Variants in RTN4 observed in about 807,000 individuals in gnomAD.
RTN4 encodes reticulon-4.
In RTN4, 32 loss-of-function variants were observed where a neutral mutation model predicts 90.4. The observed-to-expected ratio is 0.35, with a 90% CI of 0.27 to 0.48. The LOEUF (loss-of-function observed/expected upper bound fraction) is 0.48. Among genes scored for constraint, RTN4 ranks in the 20% least tolerant of loss-of-function variants. The pLI is 0.99. For synonymous variants in RTN4, 629 were observed against 552.5 expected (o/e 1.14, Z -1.94); for missense variants, 1,706 against 1,430.2 (o/e 1.19, Z -3.11).
chr2:54,987,663 T>C lies in RTN4; in HGVS notation c.3049A>G (p.Thr1017Ala). The C allele has an allele frequency of 6.2e-7, 1 of 1,614,094 alleles. No individual in the cohort carries two copies. The highest frequency in any genetic ancestry group is 8.5e-7 in the Non-Finnish European group (1 of 1,179,972). Residue 1017 changes from threonine (T) to alanine (A), a missense_variant, in exon 4 of 9, where the codon ACT becomes GCT. Transcript: ENST00000337526. ...AGGCTGGCACCAAACACCACTCCAG[T>C]CTTCTTAATGTCTCTCCAGTACAGG... is the stretch of plus-strand genomic sequence containing the variant. ...DLLYWRDIKK[T>A]GVVFGASLFL...
chr2:55,013,211 G>A (rs889505547), intron 3 of RTN4, among the ~76,000 whole-genome samples: 1 of 152,056 alleles, frequency 6.6e-6, no homozygotes, highest in Admixed American at 6.6e-5. Context: ...GAGAAGAGGG[G>A]AAAAGTATTC....
At chr2:55,007,051 T>A (rs1474743083) in intron 3 of RTN4, among the ~76,000 whole-genome samples, 1 of 152,182 alleles carries the variant, frequency 6.6e-6, no homozygotes, top group Non-Finnish European at 1.5e-5. Flanking sequence ...TCAAAGCGTC[T>A]GAAACTCAAC....
the RTN4 span, among the ~76,000 whole-genome samples, chr2:55,133,779 C>T: frequency 2.6e-5 from 4 of 152,184 alleles, no homozygotes; most frequent in Admixed American, 1.3e-4. Flanking sequence ...AAAGCCACTG[C>T]TTGTCAAGAT....
intron 3 of RTN4, among the ~76,000 whole-genome samples, chr2:55,002,224 A>C (rs920884550): frequency 2.6e-5 from 4 of 151,716 alleles, no homozygotes; most frequent in Admixed American, 2.6e-4. Context: ...ACACCAAGCT[A>C]ATTTTTTAAA....
At chr2:55,040,080 A>G (rs1165525900) in intron 1 of RTN4, among the ~76,000 whole-genome samples, 1 of 152,208 alleles carries the variant, frequency 6.6e-6, no homozygotes, top group African/African-American at 2.4e-5. Context: ...CCTAATCCTT[A>G]TGGCAGATCT....
intron 1 of RTN4, among the ~76,000 whole-genome samples, chr2:55,092,888 C>T (rs1470435915): frequency 6.6e-6 from 1 of 152,226 alleles, no homozygotes; most frequent in Non-Finnish European, 1.5e-5. Flanking sequence ...CCAGTTTTGC[C>T]CCTTCGCATT....
intron 3 of RTN4, among the ~76,000 whole-genome samples, chr2:55,008,750 TAA>T (rs1197270582): frequency 6.6e-6 from 1 of 151,114 alleles, no homozygotes; most frequent in African/African-American, 2.5e-5. Flanking sequence ...ATTTAAGACT[TAA>T]GTTATTAATA....
chr2:55,063,058 C>T (rs952591030), intron 2 of RTN4, among the ~76,000 whole-genome samples: 1 of 152,132 alleles, frequency 6.6e-6, no homozygotes, highest in Non-Finnish European at 1.5e-5. Context: ...ATGGAGCTAC[C>T]ATACTAACCT....
intron 1 of RTN4, among the ~76,000 whole-genome samples, chr2:55,105,885 C>A (rs772468546): frequency 1.3e-5 from 2 of 152,038 alleles, no homozygotes. Flanking sequence ...GAGGCTGAGG[C>A]CAGAGGATCG....
chr2:55,047,663 A>G (rs1315195772), intron 1 of RTN4, among the ~76,000 whole-genome samples: 1 of 152,178 alleles, frequency 6.6e-6, no homozygotes, highest in Non-Finnish European at 1.5e-5. Flanking sequence ...GCAGGCAGTT[A>G]CACTACTTGA....
intron 2 of RTN4, among the ~76,000 whole-genome samples, chr2:55,060,273 A>G (rs925349440): frequency 6.6e-6 from 1 of 152,218 alleles, no homozygotes; most frequent in Non-Finnish European, 1.5e-5. Context: ...AGTTAACAAT[A>G]GTATCTTGCC....
In RTN4 at chr2:54,973,863, G is replaced by T; in HGVS notation, c.3435C>A (p.Leu1145=). ...FNGLTLLILA[L]ISLFSVPVIY... ...TAACAGGAACACTGAAGAGTGAAAT[G>T]AGAGCTGAAAAGGGAAATATACAAC... Residue 1145 remains leucine, a synonymous_variant, in exon 7 of 9, where the codon CTC becomes CTA. Coordinates refer to ENST00000337526, the MANE Select transcript of RTN4 (RefSeq NM_020532.5). 1 of 1,612,480 alleles carries T rather than the reference G, an allele frequency of 6.2e-7. No individual in the cohort carries two copies. Among genetic ancestry groups the T allele is most frequent in the South Asian group, 1.1e-5 (1 of 90,568 alleles).
chr2:55,116,821 C>T (rs948422149), upstream of RTN4, among the ~76,000 whole-genome samples: 3 of 151,960 alleles, frequency 2.0e-5, no homozygotes, highest in African/African-American at 7.2e-5. Context: ...ATCTCTTCGA[C>T]ACTTCCCAGA....
At chr2:54,990,221 C>T (rs759824887) in intron 3 of RTN4, among the ~76,000 whole-genome samples, 3 of 151,970 alleles carry the variant, frequency 2.0e-5, no homozygotes, top group Admixed American at 6.6e-5. Flanking sequence ...TTTACTGCAC[C>T]CCAGGGTGAC....
chr2:55,083,312 G>A (rs551858517), intron 1 of RTN4, among the ~76,000 whole-genome samples: 3 of 152,212 alleles, frequency 2.0e-5, no homozygotes, highest in Admixed American at 6.5e-5. Context: ...CCTGGCCAAC[G>A]TGGCAAAACC....
chr2:55,040,550 G>C (rs533003607), intron 1 of RTN4, among the ~76,000 whole-genome samples: 1 of 152,238 alleles, frequency 6.6e-6, no homozygotes, highest in South Asian at 2.1e-4. Context: ...CTACAAAGTT[G>C]GGGAGAAAGA....
intron 1 of RTN4, among the ~76,000 whole-genome samples, chr2:55,032,269 G>C (rs942702330): frequency 1.7e-4 from 26 of 151,986 alleles, no homozygotes; most frequent in African/African-American, 5.3e-4. Context: ...TAGTAGAGAC[G>C]GGGTTCACTA....
chr2:55,025,386 C>G lies in RTN4; in HGVS notation c.2713G>C (p.Asp905His). ...SHKSEIANAP[D>H]GAGSLPCTEL... ...GTGCAAGGCAATGACCCAGCTCCATCCGGGGCATTAGCAATTTCACTTTTG... is the reference window on the plus strand; with the variant it reads ...GTGCAAGGCAATGACCCAGCTCCATGCGGGGCATTAGCAATTTCACTTTTG... Residue 905 changes from aspartate to histidine, a missense_variant, in exon 3 of 9, where the codon GAT (aspartate) becomes CAT (histidine). Transcript: ENST00000337526. 1 of 1,613,940 alleles carries G rather than the reference C, an allele frequency of 6.2e-7. No individual in the cohort carries two copies. The highest frequency in any genetic ancestry group is 8.5e-7 in the Non-Finnish European group (1 of 1,179,886).
the RTN4 span, among the ~76,000 whole-genome samples, chr2:55,123,813 T>C: frequency 1.3e-5 from 2 of 152,150 alleles, no homozygotes; most frequent in African/African-American, 4.8e-5. Context: ...AGCACTTTTC[T>C]TTCCTAATTT....
Sources: allele counts gnomAD v4.1 joint callset (sites outside exome capture counted in the v4.1 genomes callset), GRCh38; gene constraint gnomAD v4.1.1; transcripts MANE v1.5; gene names NCBI Gene and HGNC (gene_info 2026-07-23, HGNC 2026-07-21).